The following SLC22A5 variants were observed in gnomAD, a reference collection of about 807,000 sequenced individuals.
The protein encoded by SLC22A5 is organic cation/carnitine transporter 2.
SLC22A5 carries 44 observed loss-of-function variants against 56.7 expected under a neutral mutation model. The observed-to-expected ratio is 0.78, with a 90% confidence interval of 0.61 to 1.00. SLC22A5 has a LOEUF of 1.00. Among genes scored for constraint, SLC22A5 ranks in the 50% least tolerant of loss-of-function variants. SLC22A5 has a pLI of 0.00. For synonymous variants in SLC22A5, 278 were observed against 292.1 expected, an observed-to-expected ratio of 0.95 and a Z score of 0.49; for missense variants, 675 against 723.0, an observed-to-expected ratio of 0.93 and a Z score of 0.76.
At chr5:132,390,591 TG>T (rs1752662579) in intron 6 of SLC22A5, 98 bp from the exon 7 acceptor site, 1 of 864,200 alleles carries the variant, frequency 1.2e-6, no homozygotes, top group African/African-American at 1.6e-5. Flanking sequence ...TGCTTAAAGA[TG>T]GTTTGGAATT....
chr5:132,394,510 A>T lies in SLC22A5; in HGVS notation c.*238A>T, dbSNP rs113139850. The T allele has an allele frequency of 3.7e-5, 21 of 575,188 alleles. No homozygotes were observed. In the African/African-American group the frequency reaches 3.9e-4, roughly 11 times the overall value. The allele number at this position is 575,188 out of a possible 1,614,324, so 35.6% of individuals were successfully genotyped here. On this transcript the variant is annotated 3_prime_UTR_variant, in exon 10 of 10. Coordinates refer to ENST00000245407, the MANE Select transcript of SLC22A5 (RefSeq NM_003060.4). ...AGACAACTTCATCTAAGTCCTAACT[A>T]TTACAATGATGGACTCAGCACCTCC...
chr5:132,389,257 T>C (rs959467233), intron 6 of SLC22A5: 5 of 515,242 alleles, frequency 9.7e-6, no homozygotes, highest in African/African-American at 9.7e-5. Flanking sequence ...ATATGGACTC[T>C]TGTGGGGAAT....
intron 2 of SLC22A5, 154 bp from the exon 3 acceptor site, chr5:132,383,993 C>T (rs991906395): frequency 1.3e-6 from 1 of 747,114 alleles, no homozygotes; most frequent in Non-Finnish European, 2.3e-6. Context: ...ATAGCATGGG[C>T]ACTGTGAGAC....
In SLC22A5 at chr5:132,392,615, G is replaced by T; in HGVS notation, c.1450G>T (p.Gly484Cys). ...SILSPYFVYL[G>C]AYDRFLPYIL... ...CCTGTCTCCCTACTTCGTTTACCTTGGTAAGTCCCATGAGCCAAGGGCACA... is the reference window on the plus strand; with the variant it reads ...CCTGTCTCCCTACTTCGTTTACCTTTGTAAGTCCCATGAGCCAAGGGCACA... The change falls in exon 8 of 10, where the codon GGT becomes TGT. Residue 484 changes from glycine (G) to cysteine (C), a missense_variant and splice_region_variant. Gly to Cys is a radical substitution (Grantham distance 159). Coordinates refer to ENST00000245407, the MANE Select transcript of SLC22A5 (RefSeq NM_003060.4). 1 of 1,613,780 alleles carries T rather than the reference G, an allele frequency of 6.2e-7. No individual in the cohort carries two copies. Among genetic ancestry groups the T allele is most frequent in the Non-Finnish European group, 8.5e-7 (1 of 1,179,918 alleles).
chr5:132,370,413 G>A, intron 1 of SLC22A5, 48 bp downstream of exon 1: 2 of 1,595,256 alleles, frequency 1.3e-6, no homozygotes, highest in South Asian at 1.1e-5. Flanking sequence ...CGGAGGACCT[G>A]TCGCGGTCCT....
At chr5:132,378,782 A>G (rs1752242580) in intron 2 of SLC22A5, 1 of 413,200 alleles carries the variant, frequency 2.4e-6, no homozygotes, top group African/African-American at 2.0e-5. Context: ...CCCCTGGGTC[A>G]CTGTGACTCT....
chr5:132,394,412 TG>T lies in SLC22A5; in HGVS notation c.*143del, dbSNP rs1752811607. The stretch of plus-strand genomic sequence containing the variant: ...GACCTGTGTCTGACTTGCTCCTGGA[TG>T]GGCACCCACACTCAGAGGCTACATA... On this transcript the variant is annotated 3_prime_UTR_variant, in exon 10 of 10. Coordinates refer to ENST00000245407, the MANE Select transcript of SLC22A5 (RefSeq NM_003060.4). 4.0e-6 allele frequency: 3 copies of T among 752,390 alleles called. No homozygotes were observed. In the South Asian group the frequency reaches 4.4e-5, roughly 11 times the overall value. The allele number at this position is 752,390 out of a possible 1,614,324, so 46.6% of individuals were successfully genotyped here.
intron 4 of SLC22A5, 55 bp downstream of exon 4, chr5:132,385,554 C>A: frequency 2.7e-6 from 4 of 1,491,092 alleles, no homozygotes; most frequent in Non-Finnish European, 3.7e-6. Flanking sequence ...TCTGTCTGGC[C>A]TTCACTAGAG....
rs116252376 is a variant in SLC22A5 at position 132,394,543 on chromosome 5, T to G, written c.*271T>G. ...GATGGACTCAGCACCTCCAAAGCAG[T>G]TAATTTTTCACTAGAACCAGTGAGA... is the stretch of plus-strand genomic sequence containing the variant. On this transcript the variant is annotated 3_prime_UTR_variant, in exon 10 of 10. Transcript: ENST00000245407. 1.5e-3 allele frequency: 758 copies of G among 511,740 alleles called. 6 individuals carry two copies. Among genetic ancestry groups the G allele is most frequent in the African/African-American group, 0.013 (677 of 52,222 alleles). The allele number at this position is 511,740 out of a possible 1,614,324, so 31.7% of individuals were successfully genotyped here. A position where few individuals can be genotyped will look rare whatever the true frequency, so the allele number is the denominator to read the frequency against.
At chr5:132,383,367 A>G (rs1189453368) in intron 2 of SLC22A5, 7 of 152,260 alleles carry the variant, frequency 4.6e-5, no homozygotes, top group Non-Finnish European at 1.0e-4. Context: ...CTGATTATCT[A>G]TGAAGAACCT....
In SLC22A5 at chr5:132,387,019, T is replaced by G; in HGVS notation, c.825-6T>G. On this transcript the variant is annotated splice_polypyrimidine_tract_variant and splice_region_variant and intron_variant, in intron 4 of 9. Coordinates refer to ENST00000245407, the MANE Select transcript of SLC22A5 (RefSeq NM_003060.4). Reference sequence around the variant, plus strand: ...GCCTCACTGAGATTGGACCTTGTACTGCCAGGTTCATCCCTGAGTCCCCCC... The same window carrying G: ...GCCTCACTGAGATTGGACCTTGTACGGCCAGGTTCATCCCTGAGTCCCCCC... The G allele has an allele frequency of 6.2e-7, 1 of 1,614,156 alleles. No homozygotes were observed. Among genetic ancestry groups the G allele is most frequent in the Non-Finnish European group, 8.5e-7 (1 of 1,179,982 alleles).
In SLC22A5 at chr5:132,393,675, G is replaced by A. The variant is rs386134224; in HGVS notation, c.1451-1G>A. ...CTGAGGCTCCGTCTGCTTTGCCATA[G>A]GTGCCTACGACCGCTTCCTGCCCTA... On this transcript the variant is annotated splice_acceptor_variant, in intron 8 of 9. Transcript: ENST00000245407. LOFTEE classifies it high-confidence loss of function. 1 of 1,614,132 alleles carries A rather than the reference G, an allele frequency of 6.2e-7. No individual in the cohort carries two copies. The highest frequency in any genetic ancestry group is 8.5e-7 in the Non-Finnish European group (1 of 1,180,018).
intron 5 of SLC22A5, 71 bp from the exon 6 acceptor site, chr5:132,388,850 A>T: frequency 1.0e-6 from 1 of 956,802 alleles, no homozygotes; most frequent in Non-Finnish European, 1.7e-6. Context: ...CAGGGATTCA[A>T]GTATGTTATT....
At chr5:132,387,735 G>A (rs1258508323) in intron 5 of SLC22A5, 6 of 177,756 alleles carry the variant, frequency 3.4e-5, no homozygotes, top group South Asian at 2.0e-4. Flanking sequence ...CACCCCTCCC[G>A]TCAGCCCTGT....
chr5:132,393,604 G>T (rs1752778180), intron 8 of SLC22A5, 72 bp from the exon 9 acceptor site: 2 of 1,545,478 alleles, frequency 1.3e-6, no homozygotes, highest in East Asian at 4.5e-5. Flanking sequence ...AGTCCTGGGA[G>T]CATAAAGGGG....
intron 7 of SLC22A5, 23 bp from the exon 8 acceptor site, chr5:132,392,410 C>G: frequency 6.2e-7 from 1 of 1,611,776 alleles, no homozygotes; most frequent in Non-Finnish European, 8.5e-7. Flanking sequence ...CCTACTCCTA[C>G]CCTCTTTCCT....
chr5:132,378,069 T>G, intron 1 of SLC22A5: 1 of 1,526,846 alleles, frequency 6.5e-7, no homozygotes, highest in Non-Finnish European at 8.8e-7. Context: ...CCGCTCAGAT[T>G]TTTAGGAGCA....
At position 132,388,980 on chromosome 5, in the gene SLC22A5, C is replaced by T. The variant is rs370373155; in HGVS notation, c.1011C>T (p.Thr337=). 6.2e-7 allele frequency: 1 copy of T among 1,613,798 alleles called. No individual in the cohort carries two copies. The highest frequency in any genetic ancestry group is 1.3e-5 in the African/African-American group (1 of 74,910). The change falls in exon 6 of 10, where the codon ACC becomes ACT. Residue 337 remains threonine (T), a synonymous_variant. Coordinates refer to ENST00000245407, the MANE Select transcript of SLC22A5 (RefSeq NM_003060.4). ...QSHNILDLLR[T]WNIRMVTIMS... is the part of the protein sequence containing the mutation. ...ACAACATTCTGGATCTGCTTCGAAC[C>T]TGGAATATCCGGATGGTCACCATCA...
chr5:132,391,901 T>C (rs1475276965), intron 7 of SLC22A5, among the ~76,000 whole-genome samples: 1 of 152,184 alleles, frequency 6.6e-6, no homozygotes, highest in Non-Finnish European at 1.5e-5. Flanking sequence ...AGAACTGATG[T>C]AGAGGCTCAC....
Sources: gnomAD v4.1 joint callset for allele counts (sites outside exome capture counted in the v4.1 genomes callset) on GRCh38, gnomAD v4.1.1 for gene constraint, MANE v1.5 for transcripts, NCBI Gene and HGNC (gene_info 2026-07-23, HGNC 2026-07-21) for gene names.